The following TENM2 variants were observed in gnomAD, a reference collection of about 807,000 sequenced individuals.
The protein encoded by TENM2 is teneurin-2.
A neutral mutation model predicts 245.2 loss-of-function variants in TENM2; 52 were observed. The observed-to-expected ratio is 0.21, with a 90% CI of 0.17 to 0.27. TENM2 has a LOEUF of 0.27. TENM2 is among the 10% of genes least tolerant of loss of function. The pLI is 1.00. For missense variants in TENM2, 3,046 were observed against 3,666.8 expected (o/e 0.83, Z 4.37); for synonymous variants, 1,363 against 1,438.9 (o/e 0.95, Z 1.19).
At chr5:167,980,790 A>T (rs1326820714) in intron 4 of TENM2, among the ~76,000 whole-genome samples, 1 of 152,116 alleles carries the variant, frequency 6.6e-6, no homozygotes, top group African/African-American at 2.4e-5. Context: ...TAGAGGTGTG[A>T]GTGGTAAGAA....
chr5:168,197,945 C>G (rs17550586), intron 15 of TENM2, among the ~76,000 whole-genome samples: 14,104 of 152,230 alleles, frequency 0.093, 731 homozygotes, highest in Middle Eastern at 0.14. Context: ...ATGAGCTCCT[C>G]TCTGTGTCCT....
intron 7 of TENM2, among the ~76,000 whole-genome samples, chr5:168,078,174 G>A (rs888175835): frequency 6.6e-6 from 1 of 152,112 alleles, no homozygotes; most frequent in Non-Finnish European, 1.5e-5. Flanking sequence ...TTCTCTGATG[G>A]CCAGTGATGA....
chr5:168,126,323 T>C (rs959331843), intron 11 of TENM2, among the ~76,000 whole-genome samples: 4 of 152,126 alleles, frequency 2.6e-5, no homozygotes, highest in African/African-American at 9.7e-5. Flanking sequence ...CATGGATCTT[T>C]TCAGGTGGGT....
At chr5:167,402,688 C>T (rs768151028) in intron 2 of TENM2, among the ~76,000 whole-genome samples, 1 of 152,062 alleles carries the variant, frequency 6.6e-6, no homozygotes, top group East Asian at 1.9e-4. Flanking sequence ...AAAGGCATGC[C>T]ACAGTTCCTA....
intron 28 of TENM2, 146 bp from the exon 31 acceptor site, chr5:168,261,903 A>T: frequency 1.4e-6 from 1 of 739,222 alleles, no homozygotes; most frequent in Non-Finnish European, 2.2e-6. Flanking sequence ...CCATAGTTCC[A>T]AAAGGTAGGA....
chr5:168,209,868 G>A (rs1194660085), intron 19 of TENM2, among the ~76,000 whole-genome samples: 1 of 152,250 alleles, frequency 6.6e-6, no homozygotes, highest in South Asian at 2.1e-4. Context: ...AGGGGGACAG[G>A]CACACAAACA....
the TENM2 span, among the ~76,000 whole-genome samples, chr5:167,022,819 C>G: frequency 1.3e-5 from 2 of 152,106 alleles, no homozygotes; most frequent in Non-Finnish European, 2.9e-5. Flanking sequence ...CTCACTGTCT[C>G]CTGGAAGCCA....
chr5:167,734,850 C>CCCTT (rs1225711433), intron 2 of TENM2, among the ~76,000 whole-genome samples: 2 of 152,120 alleles, frequency 1.3e-5, no homozygotes, highest in Non-Finnish European at 2.9e-5. Context: ...TGCTTCGTCT[C>CCCTT]CCTTCCTTCC....
At chr5:168,179,134 GAAAAAAAAAAAAAA>G (rs35502066) in intron 13 of TENM2, among the ~76,000 whole-genome samples, 1 of 99,952 alleles carries the variant, frequency 1.0e-5, no homozygotes, top group Non-Finnish European at 1.9e-5. Flanking sequence ...GACTCTGCCT[GAAAAAAAAAAAAAA>G]AAAAAAAAGA....
At chr5:167,856,459 T>A (rs1771107675) in intron 2 of TENM2, among the ~76,000 whole-genome samples, 1 of 152,168 alleles carries the variant, frequency 6.6e-6, no homozygotes, top group African/African-American at 2.4e-5. Context: ...ATTACACTTG[T>A]TATAATTAAT....
At chr5:167,308,806 G>C (rs368674864) in intron 1 of TENM2, among the ~76,000 whole-genome samples, 13 of 152,262 alleles carry the variant, frequency 8.5e-5, no homozygotes, top group Admixed American at 2.0e-4. Flanking sequence ...TTAGAATTGA[G>C]ACCACAGTGT....
chr5:167,220,577 G>T, the TENM2 span, among the ~76,000 whole-genome samples: 1 of 152,158 alleles, frequency 6.6e-6, no homozygotes. Flanking sequence ...GGGCACCTAT[G>T]TTCTTAAAGA....
chr5:167,058,993 A>C, the TENM2 span, among the ~76,000 whole-genome samples: 1 of 152,146 alleles, frequency 6.6e-6, no homozygotes, highest in African/African-American at 2.4e-5. Flanking sequence ...TTTGAACCTA[A>C]ATGCTTATTA....
At chr5:167,977,761 A>G (rs1041450506) in intron 4 of TENM2, among the ~76,000 whole-genome samples, 2 of 152,242 alleles carry the variant, frequency 1.3e-5, no homozygotes, top group African/African-American at 4.8e-5. Context: ...AATGTTGATT[A>G]TCATTTTCTA....
intron 2 of TENM2, among the ~76,000 whole-genome samples, chr5:167,827,239 T>A (rs1768044021): frequency 6.6e-6 from 1 of 152,236 alleles, no homozygotes; most frequent in Non-Finnish European, 1.5e-5. Flanking sequence ...TTGCTCAGAA[T>A]TAACACTCTC....
chr5:167,926,872 G>A (rs1298607608), intron 3 of TENM2, among the ~76,000 whole-genome samples: 1 of 152,110 alleles, frequency 6.6e-6, no homozygotes, highest in Non-Finnish European at 1.5e-5. Flanking sequence ...AGCTTTGGGG[G>A]AAACTGGACA....
chr5:167,321,479 A>G (rs1756717728), intron 1 of TENM2, among the ~76,000 whole-genome samples: 2 of 152,142 alleles, frequency 1.3e-5, no homozygotes, highest in South Asian at 4.1e-4. Context: ...TTGAGAATTT[A>G]TCACCAGCTT....
intron 2 of TENM2, among the ~76,000 whole-genome samples, chr5:167,532,806 GTGTGTA>G (rs1312773972): frequency 2.9e-5 from 3 of 103,340 alleles, no homozygotes; most frequent in Admixed American, 1.2e-4. Flanking sequence ...ATATATATTT[GTGTGTA>G]TGTGTGTGTG....
At chr5:167,887,351 A>G (rs1348410677) in intron 3 of TENM2, among the ~76,000 whole-genome samples, 1 of 152,244 alleles carries the variant, frequency 6.6e-6, no homozygotes, top group Non-Finnish European at 1.5e-5. Context: ...CTCAAGAGCT[A>G]GATCCTTATT....
Sources: gnomAD v4.1 joint callset for allele counts (sites outside exome capture counted in the v4.1 genomes callset) on GRCh38, gnomAD v4.1.1 for gene constraint, MANE v1.5 for transcripts, NCBI Gene and HGNC (gene_info 2026-07-23, HGNC 2026-07-21) for gene names.